The following CCNE2 variants were observed in gnomAD, a reference collection of about 807,000 sequenced individuals.
The protein encoded by CCNE2 is G1/S-specific cyclin-E2.
CCNE2 carries 18 observed loss-of-function variants against 56.8 expected under a neutral mutation model. The observed-to-expected ratio is 0.32, with a 90% confidence interval of 0.22 to 0.47. The LOEUF is 0.47. Among genes scored for constraint, CCNE2 ranks in the 20% least tolerant of loss-of-function variants. The pLI is 1.00. For synonymous variants in CCNE2, 139 were observed against 149.2 expected, an observed-to-expected ratio of 0.93 and a Z score of 0.50; for missense variants, 371 against 467.1, an observed-to-expected ratio of 0.79 and a Z score of 1.90.
chr8:94,890,653 C>T, intron 5 of CCNE2, 103 bp from the exon 6 acceptor site: 1 of 273,850 alleles, frequency 3.7e-6, no homozygotes, highest in Non-Finnish European at 5.9e-6. Context: ...AGTGCAGCGG[C>T]ACAATCTTGG....
Position 94,890,588 on chromosome 8 carries a change from TA to T in CCNE2, c.318-39del, listed in dbSNP as rs1164705386. ...AGGAAAAAAACCATATATATATATA[TA>T]TATTTTTTTTTTTTTTTTTTTGAGA... On this transcript the variant is annotated intron_variant, in intron 5 of 11. Coordinates refer to ENST00000308108, the MANE Select transcript of CCNE2 (RefSeq NM_057749.3). 187 of 559,322 alleles carry T rather than the reference TA, an allele frequency of 3.3e-4. No individual in the cohort carries two copies. In the African/African-American group the frequency reaches 6.9e-3, roughly 21 times the overall value. The allele number at this position is 559,322 out of a possible 1,614,324, so 34.6% of individuals were successfully genotyped here.
At chr8:94,896,291 C>T (rs1241582154), upstream of CCNE2, among the ~76,000 whole-genome samples, 5 of 148,594 alleles carry the variant, frequency 3.4e-5, no homozygotes, top group Non-Finnish European at 7.5e-5. Flanking sequence ...CGCCAGCGCG[C>T]CCTGCGGAGC....
At chr8:94,882,529 C>A (rs968436245) in intron 10 of CCNE2, among the ~76,000 whole-genome samples, 4 of 152,208 alleles carry the variant, frequency 2.6e-5, no homozygotes, top group African/African-American at 9.6e-5. Flanking sequence ...TTGAAATGGT[C>A]AAATCCCAAA....
At position 94,880,754 on chromosome 8, in the gene CCNE2, C is replaced by T. The variant is rs28399589; in HGVS notation, c.*878G>A. 6,157 of 396,862 alleles carry T rather than the reference C, an allele frequency of 0.016. 80 individuals carry two copies. The highest frequency in any genetic ancestry group is 0.056 in the South Asian group (408 of 7,288). 24.6% of individuals were successfully genotyped at this position (396,862 alleles called of 1,614,324 possible). On this transcript the variant is annotated 3_prime_UTR_variant, in exon 12 of 12. Transcript: ENST00000308108. ...TCACAAACATAAATAAAGCCTTAGT[C>T]ACACTAAATTAAAAAAAAAAATTCC...
chr8:94,890,643 A>ACT (rs1317052835), intron 5 of CCNE2, 93 bp from the exon 6 acceptor site: 1 of 309,040 alleles, frequency 3.2e-6, no homozygotes, highest in African/African-American at 2.3e-5. Flanking sequence ...CCCAGGCTAG[A>ACT]GTGCAGCGGC....
At chr8:94,892,651 T>A (rs768184241) in intron 5 of CCNE2, among the ~76,000 whole-genome samples, 167 bp downstream of exon 5, 6 of 152,230 alleles carry the variant, frequency 3.9e-5, no homozygotes, top group Non-Finnish European at 8.8e-5. Context: ...AATACCCATA[T>A]CATTTGCAAC....
chr8:94,882,771 A>AT lies in CCNE2; in HGVS notation c.943+9_943+10insA. The AT allele has an allele frequency of 6.4e-7, 1 of 1,559,686 alleles. No homozygotes were observed. The highest frequency in any genetic ancestry group is 8.8e-7 in the Non-Finnish European group (1 of 1,130,696). ...GAAAAGGTAAGAAGACAACAAATAG[A>AT]GAGTCTTACCTGAGGCTTTCTTAAC... On this transcript the variant is annotated intron_variant, in intron 10 of 11. Coordinates refer to ENST00000308108, the MANE Select transcript of CCNE2 (RefSeq NM_057749.3).
intron 1 of CCNE2, 22 bp downstream of exon 1, chr8:94,895,155 C>A (rs534091364): frequency 6.1e-6 from 6 of 985,310 alleles, no homozygotes; most frequent in East Asian, 2.3e-4. Flanking sequence ...CCACATCCCC[C>A]CTACGCGCAG....
Position 94,887,983 on chromosome 8 carries a change from T to C in CCNE2, c.544A>G (p.Lys182Glu). The stretch of plus-strand genomic sequence containing the variant: ...ATTCCAATGAGTTGAAGCATATTTT[T>C]ATTTATATCCTTTTGTGTCAACATA... Reference protein sequence around the residue: ...RFMLTQKDINKNMLQLIGITS... With the variant: ...RFMLTQKDINENMLQLIGITS... Residue 182 changes from lysine (K) to glutamate (E), a missense_variant, in exon 7 of 12, where the codon AAA becomes GAA. Physicochemically the swap from Lys to Glu is moderately conservative, Grantham distance 56. Coordinates refer to ENST00000308108, the MANE Select transcript of CCNE2 (RefSeq NM_057749.3). 1 of 1,597,262 alleles carries C rather than the reference T, an allele frequency of 6.3e-7. No individual in the cohort carries two copies. The highest frequency in any genetic ancestry group is 2.3e-5 in the East Asian group (1 of 44,224).
Position 94,881,328 on chromosome 8 carries a change from T to TAACA in CCNE2, c.*300_*303dup, listed in dbSNP as rs1816801449. 5.1e-6 allele frequency: 2 copies of TAACA among 394,482 alleles called. No individual in the cohort carries two copies. The highest frequency in any genetic ancestry group is 4.1e-5 in the African/African-American group (2 of 48,654). The allele number at this position is 394,482 out of a possible 1,614,324, so 24.4% of individuals were successfully genotyped here. On this transcript the variant is annotated 3_prime_UTR_variant, in exon 12 of 12. Transcript: ENST00000308108. ...TCCTAGTTTATCAAGATAAACACAG[T>TAACA]AACACTGGATTAAAGGAAAAACATT...
In CCNE2 at chr8:94,894,100, G is replaced by C; in HGVS notation, c.34C>G (p.Gln12Glu). 6.2e-7 allele frequency: 1 copy of C among 1,613,726 alleles called. No individual in the cohort carries two copies. The highest frequency in any genetic ancestry group is 1.1e-5 in the South Asian group (1 of 91,036). ...TCCGTCTGGCTGGGCTGGGGCTGCT[G>C]CTTAGCTTGTAAACGGCTACTGTAG... Reference protein sequence around the residue: ...SRRSSRLQAKQQPQPSQTESP... With the variant: ...SRRSSRLQAKEQPQPSQTESP... Residue 12 changes from glutamine to glutamate, a missense_variant, in exon 3 of 12, where the codon CAG becomes GAG. Transcript: ENST00000308108.
chr8:94,892,136 AG>A (rs1817270531), intron 5 of CCNE2: 1 of 562,262 alleles, frequency 1.8e-6, no homozygotes, highest in Admixed American at 2.2e-5. Context: ...TGCAATTAAA[AG>A]TGAAAAAAAA....
At chr8:94,895,155 C>T (rs534091364) in intron 1 of CCNE2, 22 bp downstream of exon 1, 3 of 985,428 alleles carry the variant, frequency 3.0e-6, no homozygotes, top group Non-Finnish European at 2.4e-6. Context: ...CCACATCCCC[C>T]CTACGCGCAG....
intron 8 of CCNE2, 94 bp downstream of exon 8, chr8:94,885,369 T>G: frequency 9.4e-7 from 1 of 1,068,380 alleles, no homozygotes; most frequent in Non-Finnish European, 1.4e-6. Context: ...TTTTGACTTT[T>G]TACATTGTAG....
intron 11 of CCNE2, 38 bp downstream of exon 11, chr8:94,882,094 T>A: frequency 6.4e-7 from 1 of 1,568,030 alleles, no homozygotes. Context: ...CTTACTAGAT[T>A]CAGATAGCAA....
intron 5 of CCNE2, chr8:94,891,969 C>A: frequency 1.0e-6 from 1 of 1,000,098 alleles, no homozygotes; most frequent in Non-Finnish European, 1.6e-6. Context: ...TTAACTCACA[C>A]GTGATCTCTC....
chr8:94,895,039 G>C, intron 1 of CCNE2, 138 bp downstream of exon 1: 1 of 322,810 alleles, frequency 3.1e-6, no homozygotes, highest in Non-Finnish European at 4.5e-6. Flanking sequence ...GGGACGGAAC[G>C]CGGGAACCCA....
intron 5 of CCNE2, among the ~76,000 whole-genome samples, chr8:94,892,579 C>T (rs1032970753): frequency 6.6e-6 from 1 of 152,110 alleles, no homozygotes; most frequent in Non-Finnish European, 1.5e-5. Context: ...TAATTCAGTC[C>T]TGTTAAGTCT....
intron 7 of CCNE2, among the ~76,000 whole-genome samples, chr8:94,886,509 C>T (rs1817046166): frequency 6.6e-6 from 1 of 152,130 alleles, no homozygotes; most frequent in South Asian, 2.1e-4. Flanking sequence ...GAGTTTAAGA[C>T]CAGCGTGAGC....
Sources: allele counts gnomAD v4.1 joint callset (sites outside exome capture counted in the v4.1 genomes callset), GRCh38; gene constraint gnomAD v4.1.1; transcripts MANE v1.5; gene names NCBI Gene and HGNC (gene_info 2026-07-23, HGNC 2026-07-21).